The following CTNNA3 variants were observed in gnomAD, a reference collection of about 807,000 sequenced individuals.
CTNNA3 encodes catenin alpha 3, also known as catenin alpha-3.
Under a neutral mutation model 95.7 loss-of-function variants are expected in CTNNA3, and 76 were observed. The ratio of observed to expected loss-of-function variants is 0.79; its 90% confidence interval spans 0.66 to 0.96. The LOEUF (loss-of-function observed/expected upper bound fraction) is 0.96, where lower values mean the gene tolerates loss of function less well. CTNNA3 is among the 40% of genes least tolerant of loss of function. The pLI, the probability that CTNNA3 is intolerant of heterozygous loss-of-function variation, is 0.00. For synonymous variants in CTNNA3, 431 were observed against 374.4 expected (o/e 1.15, Z -1.74); for missense variants, 1,191 against 1,089.8 (o/e 1.09, Z -1.31).
chr10:66,170,253 T>G (rs2085349030), intron 13 of CTNNA3, among the ~76,000 whole-genome samples: 1 of 146,550 alleles, frequency 6.8e-6, no homozygotes, highest in Non-Finnish European at 1.5e-5. Flanking sequence ...TTTTTTTTTT[T>G]TTTTTTTTTT....
chr10:65,985,573 C>A (rs2078410761), intron 16 of CTNNA3, among the ~76,000 whole-genome samples: 1 of 151,280 alleles, frequency 6.6e-6, no homozygotes, highest in African/African-American at 2.4e-5. Context: ...CTACTAAATA[C>A]TACTTTTCTT....
chr10:67,181,075 A>T (rs1862516303), intron 6 of CTNNA3, among the ~76,000 whole-genome samples: 1 of 152,206 alleles, frequency 6.6e-6, no homozygotes, highest in African/African-American at 2.4e-5. Flanking sequence ...GCAAATAAAC[A>T]GTGACGTTCA....
rs542387155 is a variant in CTNNA3 at position 67,538,398 on chromosome 10, A to AC, written c.459+1104dup. Among the ~76,000 whole-genome samples the AC allele has an allele frequency of 1.8e-4, 27 of 151,632 alleles. No homozygotes were observed. The South Asian group carries it at 4.4e-3, about 25-fold the overall frequency. On this transcript the variant is annotated intron_variant, in intron 4 of 17. Coordinates refer to ENST00000433211, the MANE Select transcript of CTNNA3 (RefSeq NM_013266.4). ...AGACCAGCCTGGCCAACATAGTGAA[A>AC]CCCCCGTCTCTACTAAAAATAAATA...
chr10:67,500,263 G>C (rs1007484854), intron 5 of CTNNA3, among the ~76,000 whole-genome samples: 3 of 152,212 alleles, frequency 2.0e-5, no homozygotes, highest in African/African-American at 7.2e-5. Flanking sequence ...TTAAACCTGA[G>C]TTCTAATTTG....
chr10:66,352,633 A>T (rs2092575561), intron 12 of CTNNA3, among the ~76,000 whole-genome samples: 1 of 152,014 alleles, frequency 6.6e-6, no homozygotes. Flanking sequence ...CAATAATCCT[A>T]TCATGAAATT....
intron 12 of CTNNA3, among the ~76,000 whole-genome samples, chr10:66,298,652 C>T (rs1411540753): frequency 6.6e-6 from 1 of 152,078 alleles, no homozygotes; most frequent in Non-Finnish European, 1.5e-5. Flanking sequence ...GCCTTTCACT[C>T]TTTAAGCCAA....
intron 5 of CTNNA3, among the ~76,000 whole-genome samples, chr10:67,238,644 G>A (rs1413804965): frequency 6.6e-6 from 1 of 152,030 alleles, no homozygotes; most frequent in Admixed American, 6.6e-5. Flanking sequence ...ACCTTGGAAA[G>A]GGGAAATTTT....
chr10:66,598,470 T>A (rs552204452), intron 10 of CTNNA3, among the ~76,000 whole-genome samples: 10 of 152,092 alleles, frequency 6.6e-5, no homozygotes, highest in African/African-American at 1.9e-4. Context: ...GAAGTCAAAT[T>A]GTTCTTGTTT....
intron 7 of CTNNA3, among the ~76,000 whole-genome samples, chr10:67,094,788 T>C (rs892362482): frequency 6.6e-6 from 1 of 151,744 alleles, no homozygotes; most frequent in Non-Finnish European, 1.5e-5. Flanking sequence ...AACAAAGACT[T>C]ACCTGAACAC....
Position 66,435,266 on chromosome 10 carries a change from T to C in CTNNA3, c.1532-55914A>G, listed in dbSNP as rs182824068. On this transcript the variant is annotated intron_variant, in intron 11 of 17. Transcript: ENST00000433211. ...CTCTGATAGAATTTGGCTGTGAATC[T>C]GTCTGGTCCTGGGCTTTTTTTTGGT... 1.2e-3 allele frequency among the ~76,000 whole-genome samples: 188 copies of C among 152,160 alleles called. 1 individual carries two copies. Among genetic ancestry groups the C allele is most frequent in the Middle Eastern group, 6.8e-3 (2 of 294 alleles).
rs1486381844 is a variant in CTNNA3 at position 66,360,688 on chromosome 10, TTCCTTTTC to T, written c.1732+18456_1732+18463del. Among the ~76,000 whole-genome samples the T allele has an allele frequency of 1.0e-4, 6 of 58,074 alleles. 1 individual carries two copies. Among genetic ancestry groups the T allele is most frequent in the Non-Finnish European group, 2.2e-4 (4 of 18,524 alleles). The allele number at this position is 58,074 out of a possible 152,430, so 38.1% of individuals were successfully genotyped here. A position where few individuals can be genotyped will look rare whatever the true frequency, so the allele number is the denominator to read the frequency against. On this transcript the variant is annotated intron_variant, in intron 12 of 17. Coordinates refer to ENST00000433211, the MANE Select transcript of CTNNA3 (RefSeq NM_013266.4). ...CTTCCTTCCTTCCTTCCTTCCTTCC[TTCCTTTTC>T]TTTCTTTCTTTCCTCCTTCCTTTCT...
chr10:66,692,685 G>T (rs577161756), intron 9 of CTNNA3, among the ~76,000 whole-genome samples: 11 of 152,214 alleles, frequency 7.2e-5, no homozygotes, highest in African/African-American at 2.4e-4. Context: ...TTGAAATGAA[G>T]GAAAAAATGT....
intron 15 of CTNNA3, among the ~76,000 whole-genome samples, chr10:66,068,822 C>T (rs2080368118): frequency 1.3e-5 from 2 of 152,132 alleles, no homozygotes; most frequent in Non-Finnish European, 2.9e-5. Flanking sequence ...GCAATATGCC[C>T]ACAATGTACA....
At chr10:67,549,308 T>C (rs978076091) in intron 3 of CTNNA3, among the ~76,000 whole-genome samples, 70 of 152,096 alleles carry the variant, frequency 4.6e-4, no homozygotes, top group Admixed American at 4.5e-3. Flanking sequence ...GGGGGGAATA[T>C]CAAGATCATT....
chr10:67,343,858 T>C (rs537808218), intron 5 of CTNNA3, among the ~76,000 whole-genome samples: 1 of 150,832 alleles, frequency 6.6e-6, no homozygotes, highest in East Asian at 1.9e-4. Flanking sequence ...TTCAATTTTT[T>C]CTCCATTCTA....
intron 14 of CTNNA3, among the ~76,000 whole-genome samples, chr10:66,096,440 AT>A (rs1049773110): frequency 3.0e-4 from 45 of 152,012 alleles, no homozygotes; most frequent in African/African-American, 6.7e-4. Flanking sequence ...AATGAGATGT[AT>A]TTTTTTCTCT....
chr10:66,950,655 T>TTAGAAA (rs1175041200), intron 7 of CTNNA3, among the ~76,000 whole-genome samples: 4 of 152,138 alleles, frequency 2.6e-5, no homozygotes, highest in Admixed American at 6.6e-5. Flanking sequence ...AAAAGAACCA[T>TTAGAAA]TAGAAATATA....
In CTNNA3 at chr10:67,189,558, A is replaced by G. The variant is rs545185642; in HGVS notation, c.844-9038T>C. 2.0e-5 allele frequency among the ~76,000 whole-genome samples: 3 copies of G among 151,834 alleles called. No individual in the cohort carries two copies. In the East Asian group the frequency reaches 5.8e-4, roughly 29 times the overall value. ...CTGCATAATGTGTATGTATTTCAAA[A>G]CATCATGTTATACACCACAAATATA... is the stretch of plus-strand genomic sequence containing the variant. On this transcript the variant is annotated intron_variant, in intron 6 of 17. Coordinates refer to ENST00000433211, the MANE Select transcript of CTNNA3 (RefSeq NM_013266.4).
chr10:67,198,096 A>G (rs1236797541), intron 6 of CTNNA3, among the ~76,000 whole-genome samples: 1 of 152,184 alleles, frequency 6.6e-6, no homozygotes, highest in African/African-American at 2.4e-5. Context: ...TAGTTTATTT[A>G]ATTATGATTA....
Sources: allele counts gnomAD v4.1 joint callset (sites outside exome capture counted in the v4.1 genomes callset), GRCh38; gene constraint gnomAD v4.1.1; transcripts MANE v1.5; gene names NCBI Gene and HGNC (gene_info 2026-07-23, HGNC 2026-07-21).